Variants in EEF1AKMT2 observed in about 807,000 individuals in gnomAD.
The protein encoded by EEF1AKMT2 is EEF1A lysine methyltransferase 2.
EEF1AKMT2 carries 32 observed loss-of-function variants against 35.8 expected under a neutral mutation model. The ratio of observed to expected loss-of-function variants is 0.89; its 90% CI spans 0.67 to 1.20. The LOEUF is 1.20. Among genes scored for constraint, EEF1AKMT2 ranks in the 50% most tolerant of loss-of-function variants. The pLI is 0.00. For synonymous variants in EEF1AKMT2, 121 were observed against 133.7 expected, an observed-to-expected ratio of 0.91 and a Z score of 0.65; for missense variants, 330 against 347.5, an observed-to-expected ratio of 0.95 and a Z score of 0.40.
chr10:124,762,179 T>G (rs1950337069), intron 6 of EEF1AKMT2, 121 bp downstream of exon 6: 1 of 781,940 alleles, frequency 1.3e-6, no homozygotes, highest in African/African-American at 1.8e-5. Flanking sequence ...CCCCACGCCA[T>G]CAAATTCACT....
At chr10:124,786,705 G>A (rs771474704) in intron 3 of EEF1AKMT2, among the ~76,000 whole-genome samples, 104 of 151,862 alleles carry the variant, frequency 6.8e-4, no homozygotes, top group Non-Finnish European at 1.2e-3. Flanking sequence ...AGCTACTCAG[G>A]AGGCTGAGGC....
chr10:124,774,970 C>A (rs531729723), intron 3 of EEF1AKMT2, 188 bp from the exon 4 acceptor site: 222 of 254,888 alleles, frequency 8.7e-4, no homozygotes, highest in Admixed American at 1.3e-3. Flanking sequence ...TATACTATGA[C>A]AATACCTTTG....
intron 3 of EEF1AKMT2, among the ~76,000 whole-genome samples, chr10:124,782,750 T>C (rs898778167): frequency 1.7e-4 from 25 of 149,762 alleles, no homozygotes; most frequent in South Asian, 8.4e-4. Context: ...GAGGTGGAGG[T>C]TGCAGTGAGC....
intron 3 of EEF1AKMT2, among the ~76,000 whole-genome samples, chr10:124,779,288 C>T (rs1032812747): frequency 7.2e-5 from 11 of 152,184 alleles, no homozygotes; most frequent in African/African-American, 2.2e-4. Context: ...CACACCACGA[C>T]ACCTGGCTAT....
At chr10:124,769,863 T>C (rs1179609764) in intron 4 of EEF1AKMT2, among the ~76,000 whole-genome samples, 4 of 137,334 alleles carry the variant, frequency 2.9e-5, no homozygotes, top group African/African-American at 1.1e-4. Context: ...GGAGAATCGC[T>C]TGAAACCGGG....
chr10:124,788,722 A>ATATATATATATATATATATATATATG (rs1482922615), intron 3 of EEF1AKMT2, among the ~76,000 whole-genome samples: 3 of 132,948 alleles, frequency 2.3e-5, no homozygotes, highest in Non-Finnish European at 4.9e-5. Flanking sequence ...ATATATATAT[A>ATATATATATATATATATATATATATG]TATATATGCA....
rs769750124 is a variant in EEF1AKMT2, at chr10:124,791,807, A to C, written c.27T>G (p.Gly9=). ...CCGACCGCGCCGCCACCGCAGCGCCACCGCCGCCGTCAGCGCCCGAGCTCA... is the reference window on the plus strand; with the variant it reads ...CCGACCGCGCCGCCACCGCAGCGCCCCCGCCGCCGTCAGCGCCCGAGCTCA... The part of the protein sequence containing the change: MSSGADGG[G]GAAVAARSDK... Residue 9 remains glycine, a synonymous_variant, in exon 1 of 7, where the codon GGT becomes GGG. Coordinates refer to ENST00000368836, the MANE Select transcript of EEF1AKMT2 (RefSeq NM_212554.4). The C allele has an allele frequency of 7.6e-6, 12 of 1,586,018 alleles. No individual in the cohort carries two copies. Among genetic ancestry groups the C allele is most frequent in the African/African-American group, 2.7e-5 (2 of 74,376 alleles).
At chr10:124,785,246 C>CAAAAAAAAAAAAAAAA (rs35915292) in intron 3 of EEF1AKMT2, among the ~76,000 whole-genome samples, 1 of 61,400 alleles carries the variant, frequency 1.6e-5, no homozygotes, top group African/African-American at 7.3e-5. Flanking sequence ...GACTCCGTCT[C>CAAAAAAAAAAAAAAAA]AAAAAAAAAA....
intron 4 of EEF1AKMT2, among the ~76,000 whole-genome samples, chr10:124,771,642 G>C (rs749583132): frequency 7.2e-5 from 11 of 151,986 alleles, no homozygotes; most frequent in Non-Finnish European, 1.5e-4. Flanking sequence ...GGCCAAGGCA[G>C]GCGGATCACC....
intron 3 of EEF1AKMT2, among the ~76,000 whole-genome samples, chr10:124,775,113 A>T (rs547859559): frequency 5.4e-4 from 83 of 152,310 alleles, no homozygotes; most frequent in African/African-American, 1.8e-3. Flanking sequence ...TTCACACATA[A>T]ATTTGTCATA....
chr10:124,760,212 T>C lies in EEF1AKMT2; in HGVS notation c.*291A>G. 1 of 412,064 alleles carries C rather than the reference T, an allele frequency of 2.4e-6. No individual in the cohort carries two copies. Among genetic ancestry groups the C allele is most frequent in the Non-Finnish European group, 4.3e-6 (1 of 232,868 alleles). The allele number at this position is 412,064 out of a possible 1,614,324, so 25.5% of individuals were successfully genotyped here. A position where few individuals can be genotyped will look rare whatever the true frequency, so the allele number is the denominator to read the frequency against. On this transcript the variant is annotated 3_prime_UTR_variant, in exon 7 of 7. Transcript: ENST00000368836. ...TTCAAATACAAAAGAAAATTAAAAT[T>C]ATTCTTGATTGATCTCTAAAACCCA...
In EEF1AKMT2 at chr10:124,758,045, T is replaced by C. The variant is rs1589775708; in HGVS notation, c.*2458A>G. 2 of 152,324 alleles carry C rather than the reference T, an allele frequency of 1.3e-5. No homozygotes were observed. Among genetic ancestry groups the C allele is most frequent in the East Asian group, 3.9e-4 (2 of 5,190 alleles). 9.4% of individuals were successfully genotyped at this position (152,324 alleles called of 1,614,324 possible). A position where few individuals can be genotyped will look rare whatever the true frequency, so the allele number is the denominator to read the frequency against. ...CACACGCACTTCCTACACACAGAAG[T>C]GGCCTGTTATGCAGCAATAATCATA... On this transcript the variant is annotated 3_prime_UTR_variant, in exon 7 of 7. Coordinates refer to ENST00000368836, the MANE Select transcript of EEF1AKMT2 (RefSeq NM_212554.4).
chr10:124,791,690 C>G, intron 1 of EEF1AKMT2, 34 bp downstream of exon 1: 1 of 1,552,088 alleles, frequency 6.4e-7, no homozygotes, highest in Non-Finnish European at 8.7e-7. Context: ...CAGGGCGGCA[C>G]GGCTCATCCT....
downstream of EEF1AKMT2, among the ~76,000 whole-genome samples, chr10:124,756,334 T>C (rs1222711897): frequency 2.6e-5 from 4 of 152,338 alleles, no homozygotes; most frequent in Admixed American, 2.6e-4. Context: ...GATCTCCTAG[T>C]TTAAGTCTCT....
chr10:124,782,574 T>C (rs1235227948), intron 3 of EEF1AKMT2, among the ~76,000 whole-genome samples: 9 of 70,006 alleles, frequency 1.3e-4, no homozygotes, highest in Admixed American at 2.3e-4. Context: ...AGAGCGAGAC[T>C]CCGTCTCAAA....
At position 124,791,778 on chromosome 10, in the gene EEF1AKMT2, T is replaced by A. The variant is rs371368817; in HGVS notation, c.56A>T (p.Lys19Met). The change falls in exon 1 of 7, where the codon AAG becomes ATG. Residue 19 changes from lysine to methionine, a missense_variant. Physicochemically the swap from Lys to Met is moderately conservative, Grantham distance 95 (BLOSUM62 -1). Coordinates refer to ENST00000368836, the MANE Select transcript of EEF1AKMT2 (RefSeq NM_212554.4). ...GAAACCGTCCTCCCCGGGACTGCCC[T>A]TGTCCGACCGCGCCGCCACCGCAGC... ...GGAAVAARSD[K>M]GSPGEDGFVP... The A allele has an allele frequency of 5.0e-5, 80 of 1,594,694 alleles. No homozygotes were observed. The highest frequency in any genetic ancestry group is 6.3e-5 in the Non-Finnish European group (74 of 1,174,974).
chr10:124,783,730 G>A (rs1047793562), intron 3 of EEF1AKMT2, among the ~76,000 whole-genome samples: 3 of 151,780 alleles, frequency 2.0e-5, no homozygotes, highest in African/African-American at 4.8e-5. Context: ...CTGCAGCCTC[G>A]ACCTCCTCAG....
chr10:124,790,539 A>G (rs1331608934), intron 1 of EEF1AKMT2, among the ~76,000 whole-genome samples: 1 of 152,080 alleles, frequency 6.6e-6, no homozygotes, highest in East Asian at 1.9e-4. Context: ...ATACGTTTAT[A>G]CTGTACATGT....
At chr10:124,770,735 T>A (rs1950425472) in intron 4 of EEF1AKMT2, among the ~76,000 whole-genome samples, 1 of 152,244 alleles carries the variant, frequency 6.6e-6, no homozygotes, top group Non-Finnish European at 1.5e-5. Context: ...GCTACTGCTT[T>A]ATCAACTAAG....
Sources: gnomAD v4.1 joint callset for allele counts (sites outside exome capture counted in the v4.1 genomes callset) on GRCh38, gnomAD v4.1.1 for gene constraint, MANE v1.5 for transcripts, NCBI Gene and HGNC (gene_info 2026-07-23, HGNC 2026-07-21) for gene names.